The following TAF1 variants were observed in gnomAD, a reference collection of about 807,000 sequenced individuals.
The protein encoded by TAF1 is TATA-box binding protein associated factor 1.
TAF1 carries 2 observed loss-of-function variants against 138.5 expected under a neutral mutation model. That is an observed-to-expected ratio of 0.01 (90% CI 0.01 to 0.05). The LOEUF (loss-of-function observed/expected upper bound fraction) is 0.05, where lower values mean the gene tolerates loss of function less well. Among genes scored for constraint, TAF1 ranks in the 10% least tolerant of loss-of-function variants. TAF1 has a pLI of 1.00. For synonymous variants in TAF1, 437 were observed against 503.2 expected, an observed-to-expected ratio of 0.87 and a Z score of 1.76; for missense variants, 709 against 1,478.0, an observed-to-expected ratio of 0.48 and a Z score of 8.53.
intron 32 of TAF1, among the ~76,000 whole-genome samples, chrX:71,428,358 A>G (rs1026960359): frequency 9.0e-6 from 1 of 111,473 alleles, no homozygotes; most frequent in African/African-American, 3.3e-5. Flanking sequence ...AGATTTCTGG[A>G]AAGCTATTTG....
At chrX:71,525,234 G>A (rs185602797) in intron 13 of TAF1, among the ~76,000 whole-genome samples, 2 of 110,310 alleles carry the variant, frequency 1.8e-5, no homozygotes, top group African/African-American at 6.6e-5. Flanking sequence ...TAAAGAGGGG[G>A]TTTCACCATG....
intron 34 of TAF1, chrX:71,455,141 C>G: frequency 3.2e-6 from 3 of 943,250 alleles, no homozygotes; most frequent in Non-Finnish European, 4.3e-6. Context: ...CAGCCATCCT[C>G]TGGGTCTCGG....
chrX:71,447,255 C>T (rs1384535415), intron 32 of TAF1, among the ~76,000 whole-genome samples: 1 of 111,029 alleles, frequency 9.0e-6, no homozygotes, highest in Non-Finnish European at 1.9e-5. Flanking sequence ...TGACAGAGTA[C>T]TCATTTTCTT....
chrX:71,479,529 G>A (rs773638999), intron 13 of TAF1, among the ~76,000 whole-genome samples: 1 of 111,155 alleles, frequency 9.0e-6, no homozygotes, highest in Admixed American at 9.6e-5. Context: ...CTGAGATCAC[G>A]CCACTCCACT....
intron 3 of TAF1, among the ~76,000 whole-genome samples, chrX:71,373,153 TCTGTGCCTGGCCA>T (rs2033208980): frequency 1.0e-5 from 1 of 95,958 alleles, no homozygotes; most frequent in African/African-American, 3.9e-5. Context: ...GGCGTGAGCC[TCTGTGCCTGGCCA>T]CTTTTTTTTT....
At chrX:71,467,038 T>G (rs1602777633), downstream of TAF1, among the ~76,000 whole-genome samples, 3 of 76,285 alleles carry the variant, frequency 3.9e-5, no homozygotes, top group African/African-American at 1.0e-4. Context: ...CCATGAAGAG[T>G]GGAAAGGAAT....
In TAF1 at chrX:71,427,552, AAAGT is replaced by A. The variant is rs768133009; in HGVS notation, c.4753+3318_4753+3321del. Among the ~76,000 whole-genome samples, 6 of 112,291 alleles carry A rather than the reference AAAGT, an allele frequency of 5.3e-5. No individual in the cohort carries two copies. The South Asian group carries it at 1.8e-3, about 34-fold the overall frequency. ...GAAAAACCCAGAAGATACTAATAAA[AAAGT>A]AAGCAGAGGGCAGATGGACAAATCA... On this transcript the variant is annotated intron_variant, in intron 32 of 37. Coordinates refer to ENST00000423759, the MANE Select transcript of TAF1 (RefSeq NM_004606.5).
intron 13 of TAF1, among the ~76,000 whole-genome samples, chrX:71,503,666 C>G (rs918465981): frequency 1.8e-5 from 2 of 109,658 alleles, no homozygotes; most frequent in African/African-American, 6.6e-5. Context: ...AAATCCTTCA[C>G]GGAGAATGCT....
intron 31 of TAF1, 21 bp downstream of exon 31, chrX:71,424,087 A>G (rs1293137930): frequency 1.7e-6 from 2 of 1,202,677 alleles, no homozygotes; most frequent in Admixed American, 4.4e-5. Context: ...GATTTGATCT[A>G]AATGCCTTTT....
At chrX:71,483,780 C>CTCTATATATA (rs1164519184) in intron 13 of TAF1, among the ~76,000 whole-genome samples, 2 of 37,572 alleles carry the variant, frequency 5.3e-5, no homozygotes, top group African/African-American at 2.5e-4. Flanking sequence ...CTCTCTCTCT[C>CTCTATATATA]TATATATATA....
chrX:71,386,848 G>A (rs1454015086), intron 14 of TAF1, among the ~76,000 whole-genome samples: 2 of 112,998 alleles, frequency 1.8e-5, no homozygotes, highest in Admixed American at 1.9e-4. Context: ...CTGGGGTCTA[G>A]GGTAGTAGTA....
Position 71,424,036 on chromosome X carries a change from C to T in TAF1, c.4638C>T (p.Val1546=), listed in dbSNP as rs779811569. 4.1e-6 allele frequency: 5 copies of T among 1,208,889 alleles called. No individual in the cohort carries two copies. The highest frequency in any genetic ancestry group is 5.6e-6 in the Non-Finnish European group (5 of 894,506). ...KFVPDYYKVI[V]NPMDLETIRK... The stretch of plus-strand genomic sequence containing the variant: ...TTCCAGATTATTACAAAGTGATTGT[C>T]AATCCAATGGATTTAGAGACCATAC... The change falls in exon 31 of 38, where the codon GTC becomes GTT. Residue 1546 remains valine (V), a synonymous_variant. Transcript: ENST00000423759.
intron 13 of TAF1, chrX:71,491,766 A>G (rs965627583): frequency 9.7e-6 from 1 of 102,760 alleles, no homozygotes; most frequent in Admixed American, 1.1e-4. Flanking sequence ...GGTTCATGCC[A>G]TTCTCCTGCC....
At chrX:71,495,606 T>C (rs186395056) in intron 13 of TAF1, among the ~76,000 whole-genome samples, 25 of 112,174 alleles carry the variant, frequency 2.2e-4, no homozygotes, top group African/African-American at 7.1e-4. Context: ...GCCTCGACAG[T>C]TTTGGAGAGT....
intron 13 of TAF1, among the ~76,000 whole-genome samples, chrX:71,498,489 A>C (rs1321823669): frequency 8.9e-6 from 1 of 112,026 alleles, no homozygotes; most frequent in East Asian, 2.8e-4. Flanking sequence ...GCATTTTCTT[A>C]CTAAGCCTTA....
At chrX:71,456,323 A>G (rs2038278430) in intron 34 of TAF1, among the ~76,000 whole-genome samples, 1 of 111,828 alleles carries the variant, frequency 8.9e-6, no homozygotes, top group Admixed American at 9.5e-5. Context: ...TTCTCTCTTG[A>G]GCATTAGCTG....
intron 8 of TAF1, 74 bp downstream of exon 8, chrX:71,379,105 A>G: frequency 2.1e-6 from 1 of 487,568 alleles, no homozygotes; most frequent in Non-Finnish European, 2.9e-6. Flanking sequence ...CTCAGCTGTG[A>G]TTTTTTTTTT....
intron 28 of TAF1, among the ~76,000 whole-genome samples, chrX:71,417,868 T>C (rs1387453762): frequency 8.9e-6 from 1 of 111,754 alleles, no homozygotes; most frequent in Non-Finnish European, 1.9e-5. Flanking sequence ...ACTAATACTC[T>C]ATTTTTAAAA....
intron 8 of TAF1, among the ~76,000 whole-genome samples, chrX:71,381,216 A>G (rs1013240105): frequency 1.8e-5 from 2 of 112,552 alleles, no homozygotes; most frequent in Non-Finnish European, 3.7e-5. Flanking sequence ...TTAAATTTCA[A>G]CTATTATAAA....
Sources: allele counts gnomAD v4.1 joint callset (sites outside exome capture counted in the v4.1 genomes callset), GRCh38; gene constraint gnomAD v4.1.1; transcripts MANE v1.5; gene names NCBI Gene and HGNC (gene_info 2026-07-23, HGNC 2026-07-21).